The following PHRF1 variants were observed in gnomAD, a reference collection of about 807,000 sequenced individuals.
PHRF1 encodes PHD and RING finger domain-containing protein 1.
A neutral mutation model predicts 128.9 loss-of-function variants in PHRF1; 53 were observed. That is an observed-to-expected ratio of 0.41 (90% confidence interval 0.33 to 0.52). The LOEUF (loss-of-function observed/expected upper bound fraction) is 0.52. Ranked by LOEUF, PHRF1 falls within the 20% of genes least tolerant of loss-of-function variation. The pLI, the probability that PHRF1 is intolerant of heterozygous loss-of-function variation, is 0.21. For missense variants in PHRF1, 2,503 were observed against 2,284.5 expected (o/e 1.10, Z -1.95); for synonymous variants, 1,178 against 980.6 (o/e 1.20, Z -3.76).
chr11:578,758 C>A (rs1208914269), intron 1 of PHRF1, among the ~76,000 whole-genome samples: 1 of 152,168 alleles, frequency 6.6e-6, no homozygotes, highest in Non-Finnish European at 1.5e-5. Flanking sequence ...CCATGTTGCC[C>A]AGGCTGGTCT....
rs1856015652 is a variant in PHRF1 at position 607,384 on chromosome 11, C to A, written c.1928C>A (p.Ala643Asp). Reference sequence around the variant, plus strand: ...ACCAACAAGCACACCTTGCCCCTTGCCTCTGCCGCGTCTAAGATCTCAAGC... The same window carrying A: ...ACCAACAAGCACACCTTGCCCCTTGACTCTGCCGCGTCTAAGATCTCAAGC... ...NGTNKHTLPL[A>D]SAASKISSRD... The change falls in exon 14 of 18, where the codon GCC (alanine) becomes GAC (aspartate). Residue 643 changes from alanine (A) to aspartate (D), a missense_variant. By Grantham distance (126) the Ala-to-Asp change is moderately radical. Coordinates refer to ENST00000264555, the MANE Select transcript of PHRF1 (RefSeq NM_001286581.2). The A allele has an allele frequency of 6.2e-7, 1 of 1,612,824 alleles. No homozygotes were observed. Among genetic ancestry groups the A allele is most frequent in the South Asian group, 1.1e-5 (1 of 91,090 alleles).
At chr11:578,762 C>T (rs1025294568) in intron 1 of PHRF1, among the ~76,000 whole-genome samples, 1 of 152,210 alleles carries the variant, frequency 6.6e-6, no homozygotes, top group African/African-American at 2.4e-5. Context: ...GTTGCCCAGG[C>T]TGGTCTCATA....
chr11:590,038 C>T (rs1442044595), intron 4 of PHRF1, among the ~76,000 whole-genome samples: 9 of 137,618 alleles, frequency 6.5e-5, no homozygotes, highest in African/African-American at 2.3e-4. Flanking sequence ...ATGGAGCGTG[C>T]GGGGCTCAGC....
chr11:611,982 A>C lies in PHRF1; in HGVS notation c.*205A>C. 1.4e-6 allele frequency: 1 copy of C among 716,772 alleles called. No homozygotes were observed. The highest frequency in any genetic ancestry group is 1.9e-5 in the South Asian group (1 of 51,606). The allele number at this position is 716,772 out of a possible 1,614,324, so 44.4% of individuals were successfully genotyped here. Reference sequence around the variant, plus strand: ...TGTGCACCTGTGTTGCTCACAGTTGAAAACTGGACACTTTTGTATGTATAT... The same window carrying C: ...TGTGCACCTGTGTTGCTCACAGTTGCAAACTGGACACTTTTGTATGTATAT... On this transcript the variant is annotated 3_prime_UTR_variant, in exon 18 of 18. Coordinates refer to ENST00000264555, the MANE Select transcript of PHRF1 (RefSeq NM_001286581.2).
rs993470657 is a variant in PHRF1 at position 581,879 on chromosome 11, C to G, written c.95-83C>G. 76 of 1,476,550 alleles carry G rather than the reference C, an allele frequency of 5.1e-5. 1 individual carries two copies. The East Asian group carries it at 1.4e-3, about 27-fold the overall frequency. 91.5% of individuals were successfully genotyped at this position (1,476,550 alleles called of 1,614,324 possible). On this transcript the variant is annotated intron_variant, in intron 2 of 17. Transcript: ENST00000264555. ...GCCGTTTGGCAGGTGCTCCTGACGCCTCTATGCCTGTGCAAAGCAACCTGC... is the reference window on the plus strand; with the variant it reads ...GCCGTTTGGCAGGTGCTCCTGACGCGTCTATGCCTGTGCAAAGCAACCTGC...
rs754443880 is a variant in PHRF1, at chr11:608,716, G to A, written c.3260G>A (p.Arg1087Lys). The A allele has an allele frequency of 2.0e-5, 32 of 1,610,996 alleles. No individual in the cohort carries two copies. The Middle Eastern group carries it at 1.3e-3, about 66-fold the overall frequency. Residue 1087 changes from arginine (R) to lysine (K), a missense_variant, in exon 14 of 18, where the codon AGG (arginine) becomes AAG (lysine). Transcript: ENST00000264555. Reference sequence around the variant, plus strand: ...CGGGGCCCCTGGGGCCACAGCCGGAGGACGTCCCGGTCGCGGTCGGGGAGC... The same window carrying A: ...CGGGGCCCCTGGGGCCACAGCCGGAAGACGTCCCGGTCGCGGTCGGGGAGC... ...HRRGPWGHSR[R>K]TSRSRSGSPG... is the part of the protein sequence containing the mutation.
rs777499880 is a variant in PHRF1 at position 606,444 on chromosome 11, G to T, written c.1457G>T (p.Arg486Met). ...GGGCCTTGGGTCTGTGCCCACAGGA[G>T]GCGCCTCCCTGCCGCGGTGCCAGAG... The part of the protein sequence containing the change: ...ARPVSVGLSR[R>M]RLPAAVPEPD... The change falls in exon 13 of 18, where the codon AGG (arginine) becomes ATG (methionine). Residue 486 changes from arginine to methionine, a missense_variant and splice_region_variant. Transcript: ENST00000264555. The T allele has an allele frequency of 2.6e-6, 4 of 1,547,700 alleles. No individual in the cohort carries two copies. In the South Asian group the frequency reaches 3.5e-5, roughly 14 times the overall value.
rs1220593353 is a variant in PHRF1 at position 611,872 on chromosome 11, G to A, written c.*95G>A. The A allele has an allele frequency of 3.4e-6, 5 of 1,489,902 alleles. No individual in the cohort carries two copies. Among genetic ancestry groups the A allele is most frequent in the Non-Finnish European group, 4.5e-6 (5 of 1,122,708 alleles). 92.3% of individuals were successfully genotyped at this position (1,489,902 alleles called of 1,614,324 possible). On this transcript the variant is annotated 3_prime_UTR_variant, in exon 18 of 18. Coordinates refer to ENST00000264555, the MANE Select transcript of PHRF1 (RefSeq NM_001286581.2). ...GCTGTCGGGAGTGGCGGGAATCGGG[G>A]CCATGCCCGGGGAGCTGTCGGGAGT...
At chr11:604,145 TC>T (rs575555534) in intron 10 of PHRF1, among the ~76,000 whole-genome samples, 4 of 152,272 alleles carry the variant, frequency 2.6e-5, no homozygotes, top group Admixed American at 1.3e-4. Flanking sequence ...CCCTGGGCTC[TC>T]CCTTTGCTTT....
Position 598,652 on chromosome 11 carries a change from G to A in PHRF1, c.1024+150G>A. On this transcript the variant is annotated intron_variant, in intron 9 of 17. Transcript: ENST00000264555. Reference sequence around the variant, plus strand: ...GCTGAAAACACTACACAGAAGCCGCGCCGGGCCCGGGAGGTGTGGGTCTGA... The same window carrying A: ...GCTGAAAACACTACACAGAAGCCGCACCGGGCCCGGGAGGTGTGGGTCTGA... 1.1e-5 allele frequency: 14 copies of A among 1,278,866 alleles called. No homozygotes were observed. The South Asian group carries it at 1.2e-4, about 11-fold the overall frequency. The allele number at this position is 1,278,866 out of a possible 1,614,324, so 79.2% of individuals were successfully genotyped here.
chr11:610,170 C>T (rs546150137), intron 14 of PHRF1, 26 bp from the exon 15 acceptor site: 3 of 1,481,018 alleles, frequency 2.0e-6, no homozygotes, highest in Admixed American at 2.5e-5. Context: ...ACAGAGCACC[C>T]ACCTCCCTGT....
At chr11:585,700 A>ATTTTTTTTT (rs1854508978) in intron 3 of PHRF1, among the ~76,000 whole-genome samples, 1 of 58,174 alleles carries the variant, frequency 1.7e-5, no homozygotes, top group African/African-American at 1.0e-4. Flanking sequence ...TTTTTTTTTG[A>ATTTTTTTTT]GGTCGAGTCT....
At position 592,690 on chromosome 11, in the gene PHRF1, G is replaced by A. The variant is rs1421821526; in HGVS notation, c.620+16G>A. On this transcript the variant is annotated intron_variant, in intron 6 of 17. Transcript: ENST00000264555. ...GCGATGCGGGGTAAGGGACGGTTGG[G>A]ACTGGCACACGTGCCCTGCTGCGTG... 14 of 1,613,468 alleles carry A rather than the reference G, an allele frequency of 8.7e-6. No individual in the cohort carries two copies. The highest frequency in any genetic ancestry group is 1.7e-4 in the Middle Eastern group (1 of 6,060).
In PHRF1 at chr11:595,894, C is replaced by T. The variant is rs375393662; in HGVS notation, c.621-1029C>T. Reference sequence around the variant, plus strand: ...GCTCTTGGAGTGCCCCCACCCGCCGCCCCCCTCTGCTGGCCTGGCAGGGCG... The same window carrying T: ...GCTCTTGGAGTGCCCCCACCCGCCGTCCCCCTCTGCTGGCCTGGCAGGGCG... On this transcript the variant is annotated intron_variant, in intron 6 of 17. Transcript: ENST00000264555. 1.1e-4 allele frequency among the ~76,000 whole-genome samples: 16 copies of T among 152,316 alleles called. No individual in the cohort carries two copies. The East Asian group carries it at 2.7e-3, about 26-fold the overall frequency.
intron 3 of PHRF1, among the ~76,000 whole-genome samples, chr11:585,856 ATATTTATT>A (rs939162483): frequency 2.1e-5 from 3 of 142,546 alleles, no homozygotes; most frequent in East Asian, 2.0e-4. Flanking sequence ...AATTTTTTGT[ATATTTATT>A]TATTTATTTA....
chr11:592,452 A>G (rs1855032155), intron 5 of PHRF1, 107 bp from the exon 6 acceptor site: 2 of 1,121,424 alleles, frequency 1.8e-6, no homozygotes, highest in Non-Finnish European at 2.7e-6. Flanking sequence ...GAGCCCAAAT[A>G]TGAATCTAAG....
intron 6 of PHRF1, among the ~76,000 whole-genome samples, chr11:596,271 C>G (rs1564851325): frequency 6.6e-6 from 1 of 152,194 alleles, no homozygotes; most frequent in Non-Finnish European, 1.5e-5. Flanking sequence ...GGCACATATA[C>G]CTCATACCAG....
chr11:603,962 C>G (rs763691676), intron 10 of PHRF1, among the ~76,000 whole-genome samples: 1 of 152,138 alleles, frequency 6.6e-6, no homozygotes, highest in Non-Finnish European at 1.5e-5. Flanking sequence ...CTTGGCCTCC[C>G]AAACTGCTGG....
At chr11:583,060 T>G (rs540677661) in intron 3 of PHRF1, among the ~76,000 whole-genome samples, 1 of 134,262 alleles carries the variant, frequency 7.4e-6, no homozygotes, top group Non-Finnish European at 1.6e-5. Flanking sequence ...ATTCTGGCTG[T>G]CTGGGCGCGG....
Sources: allele counts gnomAD v4.1 joint callset (sites outside exome capture counted in the v4.1 genomes callset), GRCh38; gene constraint gnomAD v4.1.1; transcripts MANE v1.5; gene names NCBI Gene and HGNC (gene_info 2026-07-23, HGNC 2026-07-21).